The following PHF21A variants were observed in gnomAD, a reference collection of about 807,000 sequenced individuals.
PHF21A encodes the protein BHC80a.
PHF21A carries 11 observed loss-of-function variants against 82.5 expected under a neutral mutation model. The observed-to-expected ratio is 0.13, with a 90% confidence interval of 0.08 to 0.22. The LOEUF is 0.22. PHF21A is among the 10% of genes least tolerant of loss of function. PHF21A has a pLI of 1.00. For missense variants in PHF21A, 579 were observed against 837.8 expected, an observed-to-expected ratio of 0.69 and a Z score of 3.81; for synonymous variants, 297 against 302.8, an observed-to-expected ratio of 0.98 and a Z score of 0.20.
chr11:46,098,369 C>CT (rs2097033155), intron 1 of PHF21A, among the ~76,000 whole-genome samples: 1 of 152,122 alleles, frequency 6.6e-6, no homozygotes, highest in Admixed American at 6.6e-5. Context: ...TAATAAAAGA[C>CT]TTTGAGGCCA....
chr11:46,066,767 G>T (rs984758430), intron 6 of PHF21A, among the ~76,000 whole-genome samples: 2 of 152,046 alleles, frequency 1.3e-5, no homozygotes, highest in African/African-American at 4.8e-5. Context: ...AAAGTTAAAC[G>T]TGCTAGCTCT....
chr11:45,934,058 G>A lies in PHF21A; in HGVS notation c.1956C>T (p.Pro652=). The A allele has an allele frequency of 6.2e-7, 1 of 1,613,998 alleles. No homozygotes were observed. The change falls in exon 19 of 19, where the codon CCC becomes CCT. Residue 652 remains proline, a synonymous_variant. Transcript: ENST00000676320. ...GCGTGGAGGTGGCGGCATTGGCAGG[G>A]GGGGTGCAGTCCGGGCCATTGGAGA... ...GAISNGPDCT[P]PANAATSTPA... is the part of the protein sequence containing the mutation.
In PHF21A at chr11:45,930,493, A is replaced by G. The variant is rs2087564643; in HGVS notation, c.*3475T>C. 2 of 152,466 alleles carry G rather than the reference A, an allele frequency of 1.3e-5. No individual in the cohort carries two copies. Among genetic ancestry groups the G allele is most frequent in the African/African-American group, 2.4e-5 (1 of 41,464 alleles). The allele number at this position is 152,466 out of a possible 1,614,324, so 9.4% of individuals were successfully genotyped here. A position where few individuals can be genotyped will look rare whatever the true frequency, so the allele number is the denominator to read the frequency against. The stretch of plus-strand genomic sequence containing the variant: ...CCCCAAAGGGCCTGATAAGGAAGGA[A>G]GAAATCAAAACCCCAGAGGAGCTCA... On this transcript the variant is annotated 3_prime_UTR_variant, in exon 19 of 19. Transcript: ENST00000676320.
chr11:45,984,815 A>C (rs959568223), intron 6 of PHF21A, among the ~76,000 whole-genome samples: 1 of 152,098 alleles, frequency 6.6e-6, no homozygotes, highest in Non-Finnish European at 1.5e-5. Context: ...CAGTCACTCC[A>C]CTGGTTTGTG....
chr11:46,103,783 G>C (rs900497872), intron 1 of PHF21A, among the ~76,000 whole-genome samples: 1 of 152,092 alleles, frequency 6.6e-6, no homozygotes, highest in Non-Finnish European at 1.5e-5. Flanking sequence ...GACCAAAAAC[G>C]TTCAGATCCT....
intron 10 of PHF21A, 73 bp from the exon 11 acceptor site, chr11:45,953,698 T>C (rs1054603429): frequency 2.3e-6 from 2 of 866,680 alleles, no homozygotes; most frequent in African/African-American, 1.7e-5. Context: ...AGAAGTTTAA[T>C]AGTAGTAGTC....
chr11:45,991,777 G>GA (rs1352308407), intron 6 of PHF21A, among the ~76,000 whole-genome samples: 1 of 152,098 alleles, frequency 6.6e-6, no homozygotes, highest in African/African-American at 2.4e-5. Flanking sequence ...AAAATTTTAT[G>GA]AATCTCTGAA....
chr11:46,035,471 T>C (rs1489674654), intron 6 of PHF21A, among the ~76,000 whole-genome samples: 1 of 152,344 alleles, frequency 6.6e-6, no homozygotes, highest in East Asian at 1.9e-4. Flanking sequence ...CACTACATTG[T>C]GTTAGCCAGA....
chr11:46,116,112 A>C (rs2097286216), intron 1 of PHF21A, among the ~76,000 whole-genome samples: 1 of 152,172 alleles, frequency 6.6e-6, no homozygotes, highest in Admixed American at 6.5e-5. Context: ...TTACTTTAAA[A>C]TGTTTCTATT....
chr11:46,119,047 C>T (rs1852201761), intron 1 of PHF21A, among the ~76,000 whole-genome samples: 1 of 151,852 alleles, frequency 6.6e-6, no homozygotes, highest in African/African-American at 2.4e-5. Flanking sequence ...CAGCCCCTCG[C>T]CTTAAAGAAT....
At chr11:46,111,319 A>C (rs2097211829) in intron 1 of PHF21A, among the ~76,000 whole-genome samples, 1 of 151,604 alleles carries the variant, frequency 6.6e-6, no homozygotes, top group Non-Finnish European at 1.5e-5. Flanking sequence ...AAAATATAAC[A>C]ATTAGCCAGG....
At chr11:46,021,548 G>A (rs960323731) in intron 6 of PHF21A, among the ~76,000 whole-genome samples, 3 of 151,472 alleles carry the variant, frequency 2.0e-5, no homozygotes, top group African/African-American at 7.3e-5. Flanking sequence ...GTGTGTGCAT[G>A]TGTGTGTGTG....
At chr11:45,953,723 C>T (rs2092384036) in intron 10 of PHF21A, 98 bp from the exon 11 acceptor site, 1 of 724,392 alleles carries the variant, frequency 1.4e-6, no homozygotes, top group African/African-American at 1.8e-5. Flanking sequence ...AGAAAGAAGA[C>T]AACATATTCA....
Position 45,973,447 on chromosome 11 carries a change from C to T in PHF21A, c.361-2080G>A, listed in dbSNP as rs1192648264. The stretch of plus-strand genomic sequence containing the variant: ...CCTTATGCGCATATACACATATTAT[C>T]TAATCTTTTAAGATCATCATCCAAA... On this transcript the variant is annotated intron_variant, in intron 7 of 18. Coordinates refer to ENST00000676320, the MANE Select transcript of PHF21A (RefSeq NM_001352027.3). Among the ~76,000 whole-genome samples, 5 of 152,214 alleles carry T rather than the reference C, an allele frequency of 3.3e-5. No homozygotes were observed. The East Asian group carries it at 9.6e-4, about 29-fold the overall frequency.
At position 45,934,156 on chromosome 11, in the gene PHF21A, T is replaced by C. The variant is rs1167344502; in HGVS notation, c.1858A>G (p.Lys620Glu). Residue 620 changes from lysine to glutamate, a missense_variant, in exon 19 of 19, where the codon AAA (lysine) becomes GAA (glutamate). Coordinates refer to ENST00000676320, the MANE Select transcript of PHF21A (RefSeq NM_001352027.3). ...KEMHSSLEKV[K>E]QLIRLIHGID... is the part of the protein sequence containing the mutation. ...CCGTGGATGAGGCGAATCAGCTGTT[T>C]TACCTTCTCCAGGGAGCTGTGCATC... is the stretch of plus-strand genomic sequence containing the variant. 1 of 1,614,120 alleles carries C rather than the reference T, an allele frequency of 6.2e-7. No homozygotes were observed. The highest frequency in any genetic ancestry group is 1.1e-5 in the South Asian group (1 of 91,084).
intron 3 of PHF21A, among the ~76,000 whole-genome samples, chr11:46,086,123 CTT>C (rs543704333): frequency 4.8e-5 from 7 of 145,006 alleles, no homozygotes; most frequent in Admixed American, 6.9e-5. Context: ...TAGCTACTAT[CTT>C]TTTTTTTTTT....
chr11:45,945,253 T>C (rs550463406), intron 15 of PHF21A, among the ~76,000 whole-genome samples: 1 of 152,334 alleles, frequency 6.6e-6, no homozygotes, highest in African/African-American at 2.4e-5. Context: ...CTGAGCTTTG[T>C]TGAGGTTCAT....
chr11:46,015,895 C>CATCCATCT (rs2095507114), intron 6 of PHF21A, among the ~76,000 whole-genome samples: 2 of 149,482 alleles, frequency 1.3e-5, no homozygotes, highest in African/African-American at 4.9e-5. Flanking sequence ...GTTTTACAGT[C>CATCCATCT]ATCTATCTAT....
At chr11:45,947,775 CACAAAACAAA>C (rs1161047533) in intron 14 of PHF21A, among the ~76,000 whole-genome samples, 4 of 151,926 alleles carry the variant, frequency 2.6e-5, no homozygotes, top group African/African-American at 4.8e-5. Context: ...AATCACCAAG[CACAAAACAAA>C]ACAAAACAAA....
Sources: allele counts gnomAD v4.1 joint callset (sites outside exome capture counted in the v4.1 genomes callset), GRCh38; gene constraint gnomAD v4.1.1; transcripts MANE v1.5; gene names NCBI Gene and HGNC (gene_info 2026-07-23, HGNC 2026-07-21).